The following L3MBTL3 variants were observed in gnomAD, a reference collection of about 807,000 sequenced individuals.
L3MBTL3 encodes lethal(3)malignant brain tumor-like protein 3.
In L3MBTL3, 27 loss-of-function variants were observed where a neutral mutation model predicts 102.3. That is an observed-to-expected ratio of 0.26 (90% CI 0.19 to 0.36). The LOEUF is 0.36. L3MBTL3 is among the 10% of genes least tolerant of loss of function. The pLI, the probability that L3MBTL3 is intolerant of heterozygous loss-of-function variation, is 1.00. For missense variants in L3MBTL3, 798 were observed against 955.3 expected, an observed-to-expected ratio of 0.84 and a Z score of 2.17; for synonymous variants, 340 against 320.9, an observed-to-expected ratio of 1.06 and a Z score of -0.64.
At chr6:130,112,710 A>G (rs1269678852) in intron 19 of L3MBTL3, among the ~76,000 whole-genome samples, 1 of 140,360 alleles carries the variant, frequency 7.1e-6, no homozygotes, top group African/African-American at 2.8e-5. Flanking sequence ...GCCCCATATT[A>G]AGACGGTCCC....
intron 2 of L3MBTL3, among the ~76,000 whole-genome samples, chr6:130,026,340 T>C (rs1779346377): frequency 6.6e-6 from 1 of 151,994 alleles, no homozygotes; most frequent in African/African-American, 2.4e-5. Context: ...GTGCTCAGAG[T>C]TACTTAGTAA....
intron 2 of L3MBTL3, among the ~76,000 whole-genome samples, chr6:130,030,758 G>A (rs1298538265): frequency 4.7e-5 from 7 of 149,520 alleles, no homozygotes; most frequent in African/African-American, 1.7e-4. Context: ...CTTCTAGGTT[G>A]ACTAAAATAC....
intron 13 of L3MBTL3, among the ~76,000 whole-genome samples, chr6:130,076,482 G>A (rs781062543): frequency 2.0e-5 from 3 of 151,916 alleles, no homozygotes; most frequent in Non-Finnish European, 4.4e-5. Flanking sequence ...TTATTTCTTT[G>A]GTTTCTGGCC....
intron 1 of L3MBTL3, chr6:130,019,576 GTGTGCGCGGCGGAA>G (rs1163783583): frequency 6.6e-6 from 1 of 150,818 alleles, no homozygotes; most frequent in Non-Finnish European, 1.5e-5. Flanking sequence ...TGTGCTGTGT[GTGTGCGCGGCGGAA>G]AGGCCTGCCC....
intron 20 of L3MBTL3, among the ~76,000 whole-genome samples, chr6:130,125,195 A>G (rs543673446): frequency 6.6e-6 from 1 of 152,266 alleles, no homozygotes; most frequent in South Asian, 2.1e-4. Flanking sequence ...ATATTTTAAC[A>G]ACTTTGGCAT....
chr6:130,058,864 G>A (rs1202276723), intron 9 of L3MBTL3, among the ~76,000 whole-genome samples: 2 of 152,124 alleles, frequency 1.3e-5, no homozygotes, highest in African/African-American at 4.8e-5. Context: ...TTTAATCGTG[G>A]TATGTAATTA....
At chr6:130,110,561 C>T (rs1341583267) in intron 19 of L3MBTL3, among the ~76,000 whole-genome samples, 1 of 152,146 alleles carries the variant, frequency 6.6e-6, no homozygotes. Flanking sequence ...TGAGACTTTG[C>T]TGAAGTTGCT....
chr6:130,066,432 A>C lies in L3MBTL3; in HGVS notation c.944A>C (p.Asp315Ala). 6.2e-7 allele frequency: 1 copy of C among 1,611,134 alleles called. No homozygotes were observed. The highest frequency in any genetic ancestry group is 8.5e-7 in the Non-Finnish European group (1 of 1,177,944). Residue 315 changes from aspartate to alanine, a missense_variant, in exon 11 of 23, where the codon GAT (aspartate) becomes GCT (alanine). Coordinates refer to ENST00000361794, the MANE Select transcript of L3MBTL3 (RefSeq NM_032438.4). ...TTCTGGGTGAATGCAGACGCTCTGG[A>C]TATCCACCCAGTTGGGTGGTGTGAG... is the stretch of plus-strand genomic sequence containing the variant. ...YDFWVNADAL[D>A]IHPVGWCEKT... is the part of the protein sequence containing the mutation.
intron 19 of L3MBTL3, among the ~76,000 whole-genome samples, chr6:130,112,552 C>T (rs1182710929): frequency 6.6e-6 from 1 of 152,048 alleles, no homozygotes; most frequent in African/African-American, 2.4e-5. Flanking sequence ...GAAAATGATA[C>T]CACAGAAATG....
At chr6:130,051,797 C>G (rs1039066458) in intron 6 of L3MBTL3, among the ~76,000 whole-genome samples, 3 of 152,186 alleles carry the variant, frequency 2.0e-5, no homozygotes, top group Admixed American at 6.5e-5. Context: ...GGTTAAAACT[C>G]CACCTACGGC....
At chr6:130,052,263 C>T (rs781438738) in intron 6 of L3MBTL3, among the ~76,000 whole-genome samples, 2 of 152,114 alleles carry the variant, frequency 1.3e-5, no homozygotes, top group Non-Finnish European at 2.9e-5. Context: ...CACGCCACCA[C>T]ACCCAGCTAG....
Position 130,066,286 on chromosome 6 carries a change from G to GTATATATATATATATATATATATATATA in L3MBTL3, c.865-50_865-49insATATATATATATATATATATATATATAT, listed in dbSNP as rs148263906. ...GCCTGGTGTCCATGTTTATTTTTGT[G>GTATATATATATATATATATATATATATA]TATATATATATATATATGAATATTC... On this transcript the variant is annotated intron_variant, in intron 10 of 22. Transcript: ENST00000361794. 7.3e-4 allele frequency: 282 copies of GTATATATATATATATATATATATATATA among 387,538 alleles called. 5 individuals are homozygous for GTATATATATATATATATATATATATATA. The highest frequency in any genetic ancestry group is 5.5e-3 in the African/African-American group (266 of 48,422). The allele number at this position is 387,538 out of a possible 1,614,324, so 24.0% of individuals were successfully genotyped here.
chr6:130,131,381 G>A (rs1562341073), intron 20 of L3MBTL3, among the ~76,000 whole-genome samples: 3 of 152,212 alleles, frequency 2.0e-5, no homozygotes, highest in Non-Finnish European at 4.4e-5. Flanking sequence ...ACTGTCATAT[G>A]CTGTTGGTAG....
At chr6:130,062,486 A>C (rs1781958289) in intron 10 of L3MBTL3, among the ~76,000 whole-genome samples, 2 of 151,790 alleles carry the variant, frequency 1.3e-5, no homozygotes, top group Admixed American at 6.6e-5. Context: ...TCTGGGCACA[A>C]GAGGTCCTCC....
intron 19 of L3MBTL3, among the ~76,000 whole-genome samples, chr6:130,107,786 A>G (rs953310360): frequency 2.6e-4 from 40 of 152,228 alleles, no homozygotes; most frequent in African/African-American, 8.9e-4. Context: ...TTGGAGGTAG[A>G]AAGTTGATGC....
chr6:130,019,969 T>TGTCGGGAGGCGGCGGCGGCG (rs1187644991), intron 1 of L3MBTL3, among the ~76,000 whole-genome samples: 1 of 112,360 alleles, frequency 8.9e-6, no homozygotes, highest in African/African-American at 3.4e-5. Context: ...CGCGGGCGTG[T>TGTCGGGAGGCGGCGGCGGCG]GTCGGGAGGC....
intron 10 of L3MBTL3, among the ~76,000 whole-genome samples, chr6:130,060,373 A>C (rs1781808335): frequency 6.6e-6 from 1 of 152,190 alleles, no homozygotes; most frequent in African/African-American, 2.4e-5. Context: ...ATACAAGACC[A>C]CACAGCTTCA....
intron 20 of L3MBTL3, among the ~76,000 whole-genome samples, chr6:130,132,237 G>A (rs1423734089): frequency 6.6e-5 from 10 of 152,168 alleles, no homozygotes; most frequent in Non-Finnish European, 1.5e-4. Context: ...GAAACATGCT[G>A]TTTAGAGAAA....
chr6:130,091,390 T>G (rs1418297466), intron 16 of L3MBTL3, among the ~76,000 whole-genome samples: 2 of 152,090 alleles, frequency 1.3e-5, no homozygotes, highest in African/African-American at 4.8e-5. Flanking sequence ...ACTGGCAAAG[T>G]TGATTTAAAA....
Sources: gnomAD v4.1 joint callset for allele counts (sites outside exome capture counted in the v4.1 genomes callset) on GRCh38, gnomAD v4.1.1 for gene constraint, MANE v1.5 for transcripts, NCBI Gene and HGNC (gene_info 2026-07-23, HGNC 2026-07-21) for gene names.